FHOD3: variants seen among roughly 807,000 people sequenced by gnomAD.
FHOD3 encodes formin homology 2 domain containing 3, also known as FH1/FH2 domain-containing protein 3.
FHOD3 carries 90 observed loss-of-function variants against 173.0 expected under a neutral mutation model. The observed-to-expected ratio is 0.52, with a 90% CI of 0.44 to 0.62. The LOEUF (loss-of-function observed/expected upper bound fraction) is 0.62, where lower values mean the gene tolerates loss of function less well. Ranked by LOEUF, FHOD3 falls within the 20% of genes least tolerant of loss-of-function variation. The probability of loss-of-function intolerance (pLI) is 0.00; values close to 1 mark genes in which losing one functional copy is unlikely to be tolerated. For synonymous variants in FHOD3, 828 were observed against 823.0 expected (o/e 1.01, Z -0.10); for missense variants, 1,945 against 2,034.7 (o/e 0.96, Z 0.85).
At chr18:36,687,098 CTGTT>C (rs747574264) in intron 15 of FHOD3, 26 bp from the exon 16 acceptor site, 754 of 1,548,182 alleles carry the variant, frequency 4.9e-4, no homozygotes, top group Non-Finnish European at 6.5e-4. Flanking sequence ...CTTTCTTTTC[CTGTT>C]TGTTTGTTCT....
chr18:36,761,124 T>C (rs751739735), intron 27 of FHOD3, among the ~76,000 whole-genome samples: 9 of 152,134 alleles, frequency 5.9e-5, no homozygotes, highest in Non-Finnish European at 1.3e-4. Flanking sequence ...ACAGCCATAT[T>C]TACTCATTTG....
rs111909602 is a variant in FHOD3, at chr18:36,748,364, G to A, written c.4232+1229G>A. ...TTCCCCATTTAAAATACACGCACGCGCACACACACACACACACAACACACA... is the reference window on the plus strand; with the variant it reads ...TTCCCCATTTAAAATACACGCACGCACACACACACACACACACAACACACA... On this transcript the variant is annotated intron_variant, in intron 24 of 28. Transcript: ENST00000590592. 1.1e-4 allele frequency among the ~76,000 whole-genome samples: 16 copies of A among 140,822 alleles called. 1 individual carries two copies. Among genetic ancestry groups the A allele is most frequent in the South Asian group, 7.0e-4 (3 of 4,314 alleles). 92.4% of individuals were successfully genotyped at this position (140,822 alleles called of 152,430 possible).
At chr18:36,577,879 G>T (rs2058712835) in intron 6 of FHOD3, among the ~76,000 whole-genome samples, 1 of 152,198 alleles carries the variant, frequency 6.6e-6, no homozygotes, top group African/African-American at 2.4e-5. Flanking sequence ...GTTTCTGCCG[G>T]GGTGTGGAGG....
chr18:36,709,118 G>A lies in FHOD3; in HGVS notation c.2260G>A (p.Glu754Lys), dbSNP rs139884505. The change falls in exon 18 of 29, where the codon GAA becomes AAA. Residue 754 changes from glutamate (E) to lysine (K), a missense_variant. Around this residue, in one of 5 missense-constraint regions of FHOD3, gnomAD observed 1,099 missense variants for 1,051.2 expected, o/e 1.05. Coordinates refer to ENST00000590592, the MANE Select transcript of FHOD3 (RefSeq NM_001281740.3). ...PQASAGDPEP[E>K]SEAEPEAEAG... Reference sequence around the variant, plus strand: ...AGCAAGTGCCGGGGATCCTGAACCCGAATCAGAGGCAGAACCGGAAGCAGA... The same window carrying A: ...AGCAAGTGCCGGGGATCCTGAACCCAAATCAGAGGCAGAACCGGAAGCAGA... The A allele has an allele frequency of 1.0e-3, 1,630 of 1,613,276 alleles. 1 individual carries two copies. Among genetic ancestry groups the A allele is most frequent in the Non-Finnish European group, 1.0e-3 (1,206 of 1,179,306 alleles).
intron 14 of FHOD3, among the ~76,000 whole-genome samples, chr18:36,677,606 G>A (rs540195767): frequency 1.3e-5 from 2 of 152,250 alleles, no homozygotes; most frequent in African/African-American, 4.8e-5. Flanking sequence ...ATTCGTCCAT[G>A]TTTTCATTTG....
intron 14 of FHOD3, among the ~76,000 whole-genome samples, chr18:36,678,964 A>C (rs890131493): frequency 6.6e-6 from 1 of 151,914 alleles, no homozygotes; most frequent in African/African-American, 2.4e-5. Flanking sequence ...TTTCTTCTTT[A>C]TGTTGTCTGA....
intron 3 of FHOD3, among the ~76,000 whole-genome samples, chr18:36,497,346 G>C (rs779771858): frequency 4.6e-5 from 7 of 152,194 alleles, no homozygotes; most frequent in African/African-American, 1.2e-4. Context: ...TTGAGATGGC[G>C]TCAGAACCTG....
chr18:36,695,057 T>G (rs950705541), intron 17 of FHOD3, among the ~76,000 whole-genome samples: 1 of 151,696 alleles, frequency 6.6e-6, no homozygotes, highest in Admixed American at 6.6e-5. Flanking sequence ...AAAAGAATAT[T>G]TGCAGCTGGG....
intron 5 of FHOD3, among the ~76,000 whole-genome samples, chr18:36,532,116 T>G (rs2056807561): frequency 6.6e-6 from 1 of 152,216 alleles, no homozygotes; most frequent in Non-Finnish European, 1.5e-5. Flanking sequence ...AGGAAAACCC[T>G]AAGTTCCTCC....
At chr18:36,327,383 A>G (rs1248231578) in intron 1 of FHOD3, among the ~76,000 whole-genome samples, 1 of 152,248 alleles carries the variant, frequency 6.6e-6, no homozygotes, top group Non-Finnish European at 1.5e-5. Flanking sequence ...GCTTGGTGCA[A>G]ATGTGCGGCT....
At chr18:36,425,035 G>A (rs1183720100) in intron 3 of FHOD3, among the ~76,000 whole-genome samples, 1 of 152,116 alleles carries the variant, frequency 6.6e-6, no homozygotes, top group African/African-American at 2.4e-5. Context: ...AAGCCATAAA[G>A]TGCGTCCCCT....
Position 36,533,554 on chromosome 18 carries a change from C to T in FHOD3, c.511+21011C>T, listed in dbSNP as rs139026125. ...GAGGGGCCGGCTGCTGTTATATGCC[C>T]AGCTGCTCTTGAAAAGGTCTGAGGG... is the stretch of plus-strand genomic sequence containing the variant. On this transcript the variant is annotated intron_variant, in intron 5 of 28. Transcript: ENST00000590592. Among the ~76,000 whole-genome samples, 303 of 152,330 alleles carry T rather than the reference C, an allele frequency of 2.0e-3. 2 individuals carry two copies. The highest frequency in any genetic ancestry group is 6.8e-3 in the African/African-American group (281 of 41,572).
chr18:36,619,688 C>T (rs2033541272), intron 9 of FHOD3, among the ~76,000 whole-genome samples: 1 of 152,238 alleles, frequency 6.6e-6, no homozygotes, highest in African/African-American at 2.4e-5. Context: ...GGTGACCCAG[C>T]ACATCAGGCA....
intron 3 of FHOD3, among the ~76,000 whole-genome samples, chr18:36,419,537 T>C (rs2049875182): frequency 6.6e-6 from 1 of 152,220 alleles, no homozygotes; most frequent in African/African-American, 2.4e-5. Context: ...AAGGAAAGAA[T>C]GCTGATATTC....
intron 2 of FHOD3, among the ~76,000 whole-genome samples, chr18:36,356,156 A>G (rs2046349200): frequency 6.6e-6 from 1 of 152,256 alleles, no homozygotes. Flanking sequence ...ACTATTTTAG[A>G]TATTGTATTC....
chr18:36,512,936 C>T (rs1239492005), intron 5 of FHOD3, among the ~76,000 whole-genome samples: 1 of 152,138 alleles, frequency 6.6e-6, no homozygotes, highest in Non-Finnish European at 1.5e-5. Flanking sequence ...ACATTTTCTC[C>T]CAATTTGAGT....
chr18:36,320,410 T>A (rs1018187463), intron 1 of FHOD3, among the ~76,000 whole-genome samples: 1 of 152,148 alleles, frequency 6.6e-6, no homozygotes, highest in Non-Finnish European at 1.5e-5. Context: ...CCTGGACACA[T>A]ACACCCTCCC....
chr18:36,549,975 A>G (rs2057576789), intron 5 of FHOD3, among the ~76,000 whole-genome samples: 1 of 151,626 alleles, frequency 6.6e-6, no homozygotes, highest in Non-Finnish European at 1.5e-5. Context: ...TAATCTTTAC[A>G]TGTAGTCTGG....
intron 14 of FHOD3, among the ~76,000 whole-genome samples, chr18:36,664,642 G>A (rs1229626155): frequency 6.6e-6 from 1 of 152,052 alleles, no homozygotes; most frequent in Non-Finnish European, 1.5e-5. Context: ...TCCCACACAT[G>A]TTTTAGATCT....
Sources: gnomAD v4.1 joint callset for allele counts (sites outside exome capture counted in the v4.1 genomes callset) on GRCh38, gnomAD v4.1.1 for gene constraint, gnomAD v4.1.1 regional missense constraint, MANE v1.5 for transcripts, NCBI Gene and HGNC (gene_info 2026-07-23, HGNC 2026-07-21) for gene names.